The following SSBP2 variants were observed in gnomAD, a reference collection of about 807,000 sequenced individuals.
The protein encoded by SSBP2 is single-stranded DNA-binding protein 2.
Under a neutral mutation model 61.8 loss-of-function variants are expected in SSBP2, and 17 were observed. That is an observed-to-expected ratio of 0.28 (90% CI 0.19 to 0.41). The LOEUF is 0.41. Among genes scored for constraint, SSBP2 ranks in the 10% least tolerant of loss-of-function variants. The pLI, the probability that SSBP2 is intolerant of heterozygous loss-of-function variation, is 1.00. For synonymous variants in SSBP2, 139 were observed against 141.3 expected, an observed-to-expected ratio of 0.98 and a Z score of 0.12; for missense variants, 310 against 458.7, an observed-to-expected ratio of 0.68 and a Z score of 2.96.
intron 4 of SSBP2, among the ~76,000 whole-genome samples, chr5:81,554,569 G>A (rs1470289275): frequency 6.6e-6 from 1 of 151,526 alleles, no homozygotes; most frequent in Non-Finnish European, 1.5e-5. Context: ...GAATTAATTT[G>A]TTTTTAACAA....
intron 4 of SSBP2, among the ~76,000 whole-genome samples, chr5:81,555,147 G>T (rs1331144896): frequency 1.3e-5 from 2 of 151,822 alleles, no homozygotes. Flanking sequence ...TACAAAACAA[G>T]GTCCTCCACT....
chr5:81,614,504 T>C (rs1745810772), intron 4 of SSBP2, among the ~76,000 whole-genome samples: 1 of 152,144 alleles, frequency 6.6e-6, no homozygotes, highest in Non-Finnish European at 1.5e-5. Context: ...AGTCTAAGGC[T>C]GAATTATTTT....
At chr5:81,445,136 T>TATATA (rs1554065500) in intron 12 of SSBP2, among the ~76,000 whole-genome samples, 2 of 10,910 alleles carry the variant, frequency 1.8e-4, no homozygotes, top group Non-Finnish European at 2.7e-4. Context: ...AAAAAAAAAA[T>TATATA]TTTATATATA....
intron 4 of SSBP2, among the ~76,000 whole-genome samples, chr5:81,588,266 T>C (rs1200821387): frequency 6.6e-6 from 1 of 152,130 alleles, no homozygotes; most frequent in Non-Finnish European, 1.5e-5. Context: ...TGACATCCTA[T>C]AACATGCACC....
chr5:81,412,868 T>C lies in SSBP2; in HGVS notation c.*7636A>G, dbSNP rs553061723. Among the ~76,000 whole-genome samples the C allele has an allele frequency of 6.6e-6, 1 of 152,286 alleles. No homozygotes were observed. Among genetic ancestry groups the C allele is most frequent in the Admixed American group, 6.5e-5 (1 of 15,290 alleles). ...TATTTGCTAATAACATTAGTTTTTT[T>C]TTGGCATTCCATGTTTAGTTATCTG... On this transcript the variant is annotated 3_prime_UTR_variant, in exon 17 of 17. Transcript: ENST00000320672.
chr5:81,432,917 C>T (rs1288830898), intron 15 of SSBP2, among the ~76,000 whole-genome samples: 19 of 143,942 alleles, frequency 1.3e-4, no homozygotes, highest in Admixed American at 1.0e-3. Flanking sequence ...CCAGCCACCC[C>T]GTCCGGGAGG....
chr5:81,746,104 A>C (rs1301568231), intron 1 of SSBP2, among the ~76,000 whole-genome samples: 3 of 152,118 alleles, frequency 2.0e-5, no homozygotes, highest in Non-Finnish European at 2.9e-5. Flanking sequence ...AAAAAATTAC[A>C]ATATTACTAC....
intron 1 of SSBP2, among the ~76,000 whole-genome samples, chr5:81,652,869 T>C (rs767883537): frequency 6.6e-6 from 1 of 151,994 alleles, no homozygotes; most frequent in Non-Finnish European, 1.5e-5. Flanking sequence ...GCATACACTG[T>C]ACCCAATTTG....
At chr5:81,590,913 T>C (rs1775450528) in intron 4 of SSBP2, among the ~76,000 whole-genome samples, 1 of 152,148 alleles carries the variant, frequency 6.6e-6, no homozygotes, top group South Asian at 2.1e-4. Context: ...AACTCTGGGA[T>C]AGGACAGTAT....
At chr5:81,699,830 CAGAT>C (rs1753848662) in intron 1 of SSBP2, among the ~76,000 whole-genome samples, 1 of 150,674 alleles carries the variant, frequency 6.6e-6, no homozygotes, top group Non-Finnish European at 1.5e-5. Context: ...CTATTTATGA[CAGAT>C]AGCTTTACAA....
chr5:81,494,830 ATACTC>A (rs1767165664), intron 5 of SSBP2, among the ~76,000 whole-genome samples: 2 of 152,218 alleles, frequency 1.3e-5, no homozygotes, highest in Admixed American at 6.5e-5. Flanking sequence ...TGAAAAAAAA[ATACTC>A]TAATAGAAAC....
chr5:81,658,637 T>C (rs1750431403), intron 1 of SSBP2, among the ~76,000 whole-genome samples: 1 of 152,232 alleles, frequency 6.6e-6, no homozygotes, highest in Non-Finnish European at 1.5e-5. Context: ...AACGGCTGAC[T>C]GTATAAGTGA....
At chr5:81,433,032 G>A (rs1220156143) in intron 15 of SSBP2, among the ~76,000 whole-genome samples, 9 of 151,840 alleles carry the variant, frequency 5.9e-5, no homozygotes, top group African/African-American at 1.9e-4. Context: ...GGGAGGTGAG[G>A]GGCGCCTCTG....
chr5:81,571,489 G>A (rs2153447337), intron 4 of SSBP2, among the ~76,000 whole-genome samples: 1 of 152,184 alleles, frequency 6.6e-6, no homozygotes, highest in South Asian at 2.1e-4. Context: ...ACAGTACTGT[G>A]TAGTACAATA....
At position 81,690,642 on chromosome 5, in the gene SSBP2, A is replaced by C. The variant is rs145851023; in HGVS notation, c.63-40303T>G. 4.0e-3 allele frequency among the ~76,000 whole-genome samples: 604 copies of C among 152,276 alleles called. 12 individuals carry two copies. Among genetic ancestry groups the C allele is most frequent in the Admixed American group, 0.035 (530 of 15,304 alleles). On this transcript the variant is annotated intron_variant, in intron 1 of 16. Coordinates refer to ENST00000320672, the MANE Select transcript of SSBP2 (RefSeq NM_012446.5). ...TAGAATAATAGCTGGAGACTTCAAC[A>C]ACCCTCTTTGAGCATTTGACAGATC...
intron 4 of SSBP2, among the ~76,000 whole-genome samples, chr5:81,538,805 G>A (rs1347190932): frequency 1.3e-5 from 2 of 152,180 alleles, no homozygotes; most frequent in African/African-American, 2.4e-5. Context: ...ATGGTTTACC[G>A]AATATTTGAA....
At chr5:81,496,249 G>A (rs545691390) in intron 5 of SSBP2, among the ~76,000 whole-genome samples, 10 of 151,990 alleles carry the variant, frequency 6.6e-5, no homozygotes, top group African/African-American at 2.2e-4. Context: ...GCGCGATCTC[G>A]GCTCACTGCA....
intron 2 of SSBP2, among the ~76,000 whole-genome samples, chr5:81,647,886 C>G (rs528078649): frequency 2.6e-5 from 4 of 152,040 alleles, no homozygotes; most frequent in African/African-American, 9.7e-5. Flanking sequence ...TTTGCTTAAT[C>G]CACATAATGC....
chr5:81,556,716 T>C (rs940848234), intron 4 of SSBP2, among the ~76,000 whole-genome samples: 8 of 152,154 alleles, frequency 5.3e-5, no homozygotes, highest in African/African-American at 1.9e-4. Context: ...CAGCATGATA[T>C]ACTAGTTAAG....
Sources: allele counts gnomAD v4.1 joint callset (sites outside exome capture counted in the v4.1 genomes callset), GRCh38; gene constraint gnomAD v4.1.1; transcripts MANE v1.5; gene names NCBI Gene and HGNC (gene_info 2026-07-23, HGNC 2026-07-21).